The following DGKB variants were observed in gnomAD, a reference collection of about 807,000 sequenced individuals.
The protein encoded by DGKB is diacylglycerol kinase beta, also known as 90 kDa diacylglycerol kinase.
A neutral mutation model predicts 114.3 loss-of-function variants in DGKB; 67 were observed. The observed-to-expected ratio is 0.59, with a 90% confidence interval of 0.48 to 0.72. The LOEUF (loss-of-function observed/expected upper bound fraction) is 0.72. Among genes scored for constraint, DGKB ranks in the 30% least tolerant of loss-of-function variants. DGKB has a pLI of 0.00. For synonymous variants in DGKB, 398 were observed against 323.1 expected (o/e 1.23, Z -2.49); for missense variants, 907 against 975.2 (o/e 0.93, Z 0.93).
At chr7:14,484,383 C>T (rs1783452755) in intron 20 of DGKB, among the ~76,000 whole-genome samples, 2 of 152,154 alleles carry the variant, frequency 1.3e-5, no homozygotes, top group Admixed American at 6.6e-5. Flanking sequence ...GGTGGGGCCT[C>T]GTGGGAGGAA....
chr7:14,948,870 C>T (rs1374593608), intron 1 of DGKB, among the ~76,000 whole-genome samples: 4 of 149,382 alleles, frequency 2.7e-5, no homozygotes, highest in Non-Finnish European at 5.9e-5. Context: ...AGAGAACAAA[C>T]TCCTTAAAAA....
At chr7:14,390,508 C>T (rs959012392) in intron 21 of DGKB, among the ~76,000 whole-genome samples, 5 of 152,084 alleles carry the variant, frequency 3.3e-5, no homozygotes, top group Admixed American at 6.5e-5. Context: ...ATTCTGGCTT[C>T]ATATGAAGAA....
At chr7:14,272,837 A>G (rs949743831) in intron 23 of DGKB, among the ~76,000 whole-genome samples, 22 of 152,190 alleles carry the variant, frequency 1.4e-4, no homozygotes, top group Admixed American at 2.6e-4. Context: ...ATAAGTTTCA[A>G]TTGCAAATTC....
intron 23 of DGKB, among the ~76,000 whole-genome samples, chr7:14,314,617 A>G (rs2128515049): frequency 6.6e-6 from 1 of 152,310 alleles, no homozygotes; most frequent in Middle Eastern, 3.4e-3. Flanking sequence ...AGCCTCCAAG[A>G]ACTACGGGAC....
intron 23 of DGKB, among the ~76,000 whole-genome samples, chr7:14,185,260 C>T (rs1430308366): frequency 2.6e-5 from 4 of 152,056 alleles, no homozygotes; most frequent in Non-Finnish European, 5.9e-5. Context: ...AGAACTCAAC[C>T]ACTTTTACAA....
At chr7:14,274,449 T>C (rs1798705205) in intron 23 of DGKB, among the ~76,000 whole-genome samples, 1 of 152,110 alleles carries the variant, frequency 6.6e-6, no homozygotes, top group Non-Finnish European at 1.5e-5. Context: ...TGGCATGGCA[T>C]AAAAGGCCCT....
At chr7:14,773,042 TC>T (rs1183969905) in intron 2 of DGKB, among the ~76,000 whole-genome samples, 1 of 152,214 alleles carries the variant, frequency 6.6e-6, no homozygotes, top group East Asian at 1.9e-4. Flanking sequence ...TTAATTCTAT[TC>T]CTTGTGTTTT....
intron 1 of DGKB, among the ~76,000 whole-genome samples, chr7:14,945,911 T>A (rs1459634146): frequency 6.6e-6 from 1 of 151,634 alleles, no homozygotes; most frequent in East Asian, 1.9e-4. Flanking sequence ...TTCCTGAAGT[T>A]TTCTACATCT....
At chr7:14,203,890 G>T (rs938614794) in intron 23 of DGKB, among the ~76,000 whole-genome samples, 1 of 151,934 alleles carries the variant, frequency 6.6e-6, no homozygotes, top group African/African-American at 2.4e-5. Context: ...GATGCCAATT[G>T]ACAGTCTGTA....
At chr7:14,687,934 C>G (rs770274103) in intron 9 of DGKB, among the ~76,000 whole-genome samples, 10 of 152,140 alleles carry the variant, frequency 6.6e-5, no homozygotes, top group Non-Finnish European at 1.2e-4. Flanking sequence ...ATCCATTACC[C>G]AGGCATAAAA....
chr7:14,654,937 CAG>C (rs2128909322), intron 13 of DGKB, among the ~76,000 whole-genome samples: 1 of 151,820 alleles, frequency 6.6e-6, no homozygotes, highest in South Asian at 2.1e-4. Flanking sequence ...TAGAAAAAAA[CAG>C]AGGGGGATTT....
At chr7:14,830,373 TAA>T (rs1846248314) in intron 2 of DGKB, among the ~76,000 whole-genome samples, 1 of 70,374 alleles carries the variant, frequency 1.4e-5, no homozygotes, top group Admixed American at 1.6e-4. Flanking sequence ...AGAAATAATT[TAA>T]TAGGCAGAAA....
chr7:14,364,181 AC>A (rs1399261720), intron 21 of DGKB, among the ~76,000 whole-genome samples: 1 of 152,060 alleles, frequency 6.6e-6, no homozygotes, highest in Non-Finnish European at 1.5e-5. Flanking sequence ...AATAAAAAAA[AC>A]AACTAATGCA....
chr7:14,487,464 G>A (rs1020077016), intron 20 of DGKB, among the ~76,000 whole-genome samples: 3 of 151,580 alleles, frequency 2.0e-5, no homozygotes, highest in African/African-American at 7.3e-5. Flanking sequence ...ATAAGTGAAT[G>A]TTAGTAATTT....
chr7:14,596,609 C>T (rs1248016443), intron 17 of DGKB, among the ~76,000 whole-genome samples: 1 of 152,156 alleles, frequency 6.6e-6, no homozygotes, highest in African/African-American at 2.4e-5. Flanking sequence ...TGGACCTCAT[C>T]CTCTTTTAGT....
intron 23 of DGKB, among the ~76,000 whole-genome samples, chr7:14,334,788 G>C (rs564195807): frequency 2.0e-5 from 3 of 152,190 alleles, no homozygotes; most frequent in Admixed American, 6.5e-5. Context: ...ATTCAGAAGA[G>C]GGGGAGGAAA....
Position 14,176,889 on chromosome 7 carries a change from A to G in DGKB, c.2254T>C (p.Ser752Pro). 2 of 1,613,600 alleles carry G rather than the reference A, an allele frequency of 1.2e-6. No homozygotes were observed. The highest frequency in any genetic ancestry group is 1.1e-5 in the South Asian group (1 of 91,066). ...CSCVVIRTSK[S>P]LPMQIDGEPW... ...TCCCCATCAATTTGCATTGGCAGAG[A>G]CTTGCTCGTCCTGGGGGAAAATATT... The change falls in exon 25 of 26, where the codon TCT becomes CCT. Residue 752 changes from serine (S) to proline (P), a missense_variant. Ser to Pro is a moderately conservative substitution (Grantham distance 74, BLOSUM62 -1). Transcript: ENST00000402815.
intron 21 of DGKB, among the ~76,000 whole-genome samples, chr7:14,438,166 C>T (rs1829559589): frequency 6.6e-6 from 1 of 151,964 alleles, no homozygotes; most frequent in Non-Finnish European, 1.5e-5. Context: ...TCAAACTTGA[C>T]AGATTTCTGA....
chr7:14,616,964 A>T (rs1305614342), intron 15 of DGKB, among the ~76,000 whole-genome samples: 2 of 151,842 alleles, frequency 1.3e-5, no homozygotes, highest in Non-Finnish European at 3.0e-5. Flanking sequence ...ATTCTCCACC[A>T]TACTGAATAG....
Sources: allele counts gnomAD v4.1 joint callset (sites outside exome capture counted in the v4.1 genomes callset), GRCh38; gene constraint gnomAD v4.1.1; transcripts MANE v1.5; gene names NCBI Gene and HGNC (gene_info 2026-07-23, HGNC 2026-07-21).